Variants in ITGA4 observed in about 807,000 individuals in gnomAD.
The protein encoded by ITGA4 is integrin subunit alpha 4, also known as integrin alpha-4.
A neutral mutation model predicts 133.6 loss-of-function variants in ITGA4; 63 were observed. The ratio of observed to expected loss-of-function variants is 0.47; its 90% CI spans 0.38 to 0.58. The LOEUF is 0.58. ITGA4 is among the 20% of genes least tolerant of loss of function. The pLI is 0.00. For missense variants in ITGA4, 1,076 were observed against 1,252.7 expected (o/e 0.86, Z 2.13); for synonymous variants, 483 against 438.0 (o/e 1.10, Z -1.28).
chr2:181,534,486 T>C, intron 26 of ITGA4, 116 bp downstream of exon 26: 1 of 699,660 alleles, frequency 1.4e-6, no homozygotes, highest in South Asian at 1.8e-5. Context: ...GACCAGCTCA[T>C]GGAGGGCCCC....
At position 181,537,394 on chromosome 2, in the gene ITGA4, C is replaced by A. The variant is rs1029755672; in HGVS notation, c.*1867C>A. The A allele has an allele frequency of 8.9e-6, 4 of 451,774 alleles. No individual in the cohort carries two copies. The highest frequency in any genetic ancestry group is 1.8e-5 in the Non-Finnish European group (4 of 225,390). 28.0% of individuals were successfully genotyped at this position (451,774 alleles called of 1,614,324 possible). ...CAATTACATATTGGGCTAGATTTTG[C>A]CCAGTTCAAAATAGTATTTGTTATC... On this transcript the variant is annotated 3_prime_UTR_variant, in exon 28 of 28. Coordinates refer to ENST00000397033, the MANE Select transcript of ITGA4 (RefSeq NM_000885.6).
In ITGA4 at chr2:181,487,806, T is replaced by C. The variant is rs564899504; in HGVS notation, c.1153+1814T>C. ...TATAGCTCTACCATCAAGTAGAAAA[T>C]AAAATTAATACTTGAAAACATAAGC... On this transcript the variant is annotated intron_variant, in intron 10 of 27. Coordinates refer to ENST00000397033, the MANE Select transcript of ITGA4 (RefSeq NM_000885.6). Among the ~76,000 whole-genome samples the C allele has an allele frequency of 2.0e-5, 3 of 151,924 alleles. No homozygotes were observed. The South Asian group carries it at 6.2e-4, about 32-fold the overall frequency.
At chr2:181,513,290 A>G (rs534112619) in intron 17 of ITGA4, among the ~76,000 whole-genome samples, 1 of 152,070 alleles carries the variant, frequency 6.6e-6, no homozygotes, top group South Asian at 2.1e-4. Flanking sequence ...CCACCTACAT[A>G]TCAAATTCCC....
intron 15 of ITGA4, among the ~76,000 whole-genome samples, chr2:181,507,155 G>A (rs143548084): frequency 6.6e-6 from 1 of 152,204 alleles, no homozygotes; most frequent in African/African-American, 2.4e-5. Flanking sequence ...ATTATCTCCT[G>A]CGTATAGCAA....
rs567905987 is a variant in ITGA4 at position 181,462,322 on chromosome 2, T to C, written c.319+4005T>C. Among the ~76,000 whole-genome samples the C allele has an allele frequency of 2.6e-5, 4 of 152,304 alleles. No individual in the cohort carries two copies. The South Asian group carries it at 8.3e-4, about 32-fold the overall frequency. ...CACCATTACCCATATTTAGATTTCT[T>C]TCTGGAAATTTTATTACCTTAGCCA... On this transcript the variant is annotated intron_variant, in intron 2 of 27. Coordinates refer to ENST00000397033, the MANE Select transcript of ITGA4 (RefSeq NM_000885.6).
In ITGA4 at chr2:181,458,245, A is replaced by T; in HGVS notation, c.247A>T (p.Ile83Phe). 3 of 1,613,748 alleles carry T rather than the reference A, an allele frequency of 1.9e-6. No homozygotes were observed. Among genetic ancestry groups the T allele is most frequent in the Non-Finnish European group, 2.5e-6 (3 of 1,179,854 alleles). Reference sequence around the variant, plus strand: ...CAACTGGCTCGCCAACGCTTCAGTGATCAATCCCGGGGCGATTTACAGATG... The same window carrying T: ...CAACTGGCTCGCCAACGCTTCAGTGTTCAATCCCGGGGCGATTTACAGATG... ...TANWLANASV[I>F]NPGAIYRCRI... Residue 83 changes from isoleucine to phenylalanine, a missense_variant, in exon 2 of 28, where the codon ATC becomes TTC. Coordinates refer to ENST00000397033, the MANE Select transcript of ITGA4 (RefSeq NM_000885.6).
chr2:181,510,887 A>G (rs1211114531), intron 16 of ITGA4, among the ~76,000 whole-genome samples: 2 of 151,484 alleles, frequency 1.3e-5, no homozygotes, highest in African/African-American at 4.8e-5. Flanking sequence ...TGATTCTTAG[A>G]ACAACCTGCT....
intron 4 of ITGA4, among the ~76,000 whole-genome samples, chr2:181,477,648 T>C (rs1370527505): frequency 6.6e-6 from 1 of 152,070 alleles, no homozygotes; most frequent in African/African-American, 2.4e-5. Flanking sequence ...CTATGAAATA[T>C]CACTTCACAC....
intron 2 of ITGA4, among the ~76,000 whole-genome samples, chr2:181,460,566 A>AATATGTGT (rs79689303): frequency 5.1e-4 from 75 of 148,070 alleles, no homozygotes; most frequent in African/African-American, 1.2e-3. Flanking sequence ...TCTGTAGAAG[A>AATATGTGT]GTGTGTGTGT....
intron 2 of ITGA4, among the ~76,000 whole-genome samples, chr2:181,474,325 T>A (rs1685625000): frequency 1.3e-5 from 2 of 152,210 alleles, no homozygotes; most frequent in Admixed American, 1.3e-4. Flanking sequence ...TCTATTGAAG[T>A]TTTTTGTTTA....
intron 15 of ITGA4, among the ~76,000 whole-genome samples, chr2:181,506,812 G>A (rs1559050578): frequency 6.6e-6 from 1 of 152,044 alleles, no homozygotes; most frequent in Non-Finnish European, 1.5e-5. Flanking sequence ...GGGCAGTAAT[G>A]TTTAAGCCAT....
chr2:181,459,306 A>G (rs1224621092), intron 2 of ITGA4: 3 of 103,044 alleles, frequency 2.9e-5, no homozygotes, highest in Non-Finnish European at 4.2e-5. Context: ...AATGCAAATA[A>G]AATTAAGTGA....
intron 17 of ITGA4, among the ~76,000 whole-genome samples, chr2:181,518,051 G>A (rs1686645667): frequency 6.6e-6 from 1 of 151,954 alleles, no homozygotes; most frequent in Non-Finnish European, 1.5e-5. Context: ...TATAGAGTTT[G>A]GGGTGGGGGG....
chr2:181,495,135 T>C lies in ITGA4; in HGVS notation c.1340-236T>C, dbSNP rs1180339992. On this transcript the variant is annotated intron_variant, in intron 12 of 27. Coordinates refer to ENST00000397033, the MANE Select transcript of ITGA4 (RefSeq NM_000885.6). This position sits in a 1 kb window ranked among gnomAD's most constrained non-coding sequence, Gnocchi z 4.3. ...CTAGTCCAAAAATTGAATTTTGTTT[T>C]AGTAAACTTGTTTTTGTCATAAAGT... Among the ~76,000 whole-genome samples, 7 of 152,232 alleles carry C rather than the reference T, an allele frequency of 4.6e-5. No individual in the cohort carries two copies. The highest frequency in any genetic ancestry group is 2.6e-4 in the Admixed American group (4 of 15,286).
chr2:181,499,671 GT>G (rs906580787), intron 15 of ITGA4, among the ~76,000 whole-genome samples: 7 of 152,064 alleles, frequency 4.6e-5, no homozygotes, highest in African/African-American at 1.7e-4. Flanking sequence ...TCCCTTAACA[GT>G]TTTTATTGTT....
chr2:181,505,145 T>C (rs1318366705), intron 15 of ITGA4, among the ~76,000 whole-genome samples: 1 of 152,076 alleles, frequency 6.6e-6, no homozygotes, highest in African/African-American at 2.4e-5. Flanking sequence ...TCTGTCAGAA[T>C]ATTCATGCCC....
chr2:181,468,133 A>G (rs1194237251), intron 2 of ITGA4, among the ~76,000 whole-genome samples: 1 of 152,218 alleles, frequency 6.6e-6, no homozygotes, highest in Non-Finnish European at 1.5e-5. Flanking sequence ...CAGTCCTTGC[A>G]GAAACCCTCG....
Position 181,529,592 on chromosome 2 carries a change from G to C in ITGA4, c.2482G>C (p.Val828Leu), listed in dbSNP as rs775015620. 6.2e-7 allele frequency: 1 copy of C among 1,611,256 alleles called. No homozygotes were observed. The highest frequency in any genetic ancestry group is 1.7e-5 in the Admixed American group (1 of 59,958). Residue 828 changes from valine to leucine, a missense_variant, in exon 23 of 28, where the codon GTA (valine) becomes CTA (leucine). Coordinates refer to ENST00000397033, the MANE Select transcript of ITGA4 (RefSeq NM_000885.6). ...MAPNVSVEIM[V>L]PNSFSPQTDK... is the part of the protein sequence containing the mutation. Reference sequence around the variant, plus strand: ...TCCCAATGTTAGTGTGGAAATAATGGTACCAAATTCTTTTAGCCCCCAAAC... The same window carrying C: ...TCCCAATGTTAGTGTGGAAATAATGCTACCAAATTCTTTTAGCCCCCAAAC...
intron 2 of ITGA4, among the ~76,000 whole-genome samples, chr2:181,460,610 C>T (rs541373005): frequency 1.5e-4 from 17 of 113,144 alleles, no homozygotes; most frequent in South Asian, 8.2e-4. Context: ...TGTGAATCTT[C>T]TGTATAAAAT....
Sources: gnomAD v4.1 joint callset for allele counts (sites outside exome capture counted in the v4.1 genomes callset) on GRCh38, gnomAD v4.1.1 for gene constraint, Gnocchi (gnomAD v3.1) non-coding constraint, MANE v1.5 for transcripts, NCBI Gene and HGNC (gene_info 2026-07-23, HGNC 2026-07-21) for gene names.